PLXNA4: variants seen among roughly 807,000 people sequenced by gnomAD.
PLXNA4 encodes plexin A4, also known as plexin-A4.
PLXNA4 carries 44 observed loss-of-function variants against 191.8 expected under a neutral mutation model. The ratio of observed to expected loss-of-function variants is 0.23; its 90% confidence interval spans 0.18 to 0.29. The LOEUF (loss-of-function observed/expected upper bound fraction) is 0.29, where lower values mean the gene tolerates loss of function less well. PLXNA4 is among the 10% of genes least tolerant of loss of function. PLXNA4 has a pLI of 1.00. For synonymous variants in PLXNA4, 1,082 were observed against 1,009.5 expected (o/e 1.07, Z -1.36); for missense variants, 1,800 against 2,488.8 (o/e 0.72, Z 5.89).
chr7:132,153,536 C>T (rs78309891), intron 25 of PLXNA4, among the ~76,000 whole-genome samples: 7,947 of 152,156 alleles, frequency 0.052, 424 homozygotes, highest in African/African-American at 0.14. Flanking sequence ...CAGGTCATGC[C>T]TGTAGAGTCT....
intron 25 of PLXNA4, among the ~76,000 whole-genome samples, chr7:132,157,140 GT>G (rs1795822295): frequency 6.6e-6 from 1 of 152,226 alleles, no homozygotes; most frequent in Non-Finnish European, 1.5e-5. Context: ...GATCCTCTCT[GT>G]TTGTTTGGGT....
chr7:132,632,576 C>T (rs1002090283), intron 2 of PLXNA4, among the ~76,000 whole-genome samples: 1 of 152,132 alleles, frequency 6.6e-6, no homozygotes, highest in Non-Finnish European at 1.5e-5. Context: ...ATCTCTACAG[C>T]TCCCAGGCTC....
rs755898295 is a variant in PLXNA4 at position 132,188,951 on chromosome 7, GAGGAA to G, written c.2857-1349_2857-1345del. Among the ~76,000 whole-genome samples the G allele has an allele frequency of 2.4e-4, 12 of 50,064 alleles. 1 individual carries two copies. In the South Asian group the frequency reaches 3.4e-3, roughly 14 times the overall value. 32.8% of individuals were successfully genotyped at this position (50,064 alleles called of 152,430 possible). On this transcript the variant is annotated intron_variant, in intron 14 of 31. Transcript: ENST00000321063. ...AAGTATCCCCACCAACCTTCCCAGA[GAGGAA>G]AGGAAAGGAAAGGAAAGGAAAGGAA...
At chr7:132,302,790 G>C (rs1048180389) in intron 3 of PLXNA4, among the ~76,000 whole-genome samples, 1 of 152,092 alleles carries the variant, frequency 6.6e-6, no homozygotes, top group African/African-American at 2.4e-5. Flanking sequence ...ACACTGACCA[G>C]TGGCCATGGT....
chr7:132,453,848 C>T (rs1465992052), intron 3 of PLXNA4, among the ~76,000 whole-genome samples: 1 of 152,212 alleles, frequency 6.6e-6, no homozygotes, highest in Admixed American at 6.5e-5. Context: ...CCAATGAGTG[C>T]TTTTAAACTC....
intron 3 of PLXNA4, among the ~76,000 whole-genome samples, chr7:132,338,963 G>A (rs951467992): frequency 2.0e-5 from 3 of 152,144 alleles, no homozygotes; most frequent in African/African-American, 4.8e-5. Flanking sequence ...ACCTAGCACT[G>A]TTTTCCATGA....
chr7:132,505,092 G>T (rs1448075923), intron 2 of PLXNA4, among the ~76,000 whole-genome samples: 1 of 152,204 alleles, frequency 6.6e-6, no homozygotes, highest in Non-Finnish European at 1.5e-5. Context: ...AGAGTTTCTG[G>T]CCTCCTCCTT....
At chr7:132,318,968 G>A (rs955832154) in intron 3 of PLXNA4, among the ~76,000 whole-genome samples, 3 of 152,114 alleles carry the variant, frequency 2.0e-5, no homozygotes, top group Admixed American at 6.5e-5. Context: ...GTCCTGTGAC[G>A]CCTGGCCCCG....
intron 3 of PLXNA4, among the ~76,000 whole-genome samples, chr7:132,348,545 G>GTACCTGTACAAC (rs1803343678): frequency 6.6e-6 from 1 of 152,242 alleles, no homozygotes; most frequent in African/African-American, 2.4e-5. Context: ...ACAACAGGCT[G>GTACCTGTACAAC]AGGTCAATGG....
In PLXNA4 at chr7:132,209,853, ACCACCTCTG is replaced by A. The variant is rs376535213; in HGVS notation, c.2298+1081_2298+1089del. 4.0e-3 allele frequency among the ~76,000 whole-genome samples: 613 copies of A among 152,256 alleles called. 2 individuals carry two copies. Among genetic ancestry groups the A allele is most frequent in the Middle Eastern group, 0.037 (11 of 294 alleles). The stretch of plus-strand genomic sequence containing the variant: ...ACATAGGAGGGGTCCTCAAATCCAG[ACCACCTCTG>A]CCACTCACTAGTTGTGTGACCTTGA... On this transcript the variant is annotated intron_variant, in intron 10 of 31. Coordinates refer to ENST00000321063, the MANE Select transcript of PLXNA4 (RefSeq NM_020911.2).
At chr7:132,553,706 T>G (rs1414115505) in intron 1 of PLXNA4, among the ~76,000 whole-genome samples, 1 of 152,224 alleles carries the variant, frequency 6.6e-6, no homozygotes, top group Non-Finnish European at 1.5e-5. Context: ...ACCTCCTCCA[T>G]CACCTCTGTT....
chr7:132,293,233 G>A (rs1305997736), intron 4 of PLXNA4, among the ~76,000 whole-genome samples: 1 of 152,078 alleles, frequency 6.6e-6, no homozygotes, highest in Non-Finnish European at 1.5e-5. Flanking sequence ...TTCGCCTGTT[G>A]TATTAGCTTG....
At chr7:132,577,133 GGC>G (rs1180632565), upstream of PLXNA4, 2 of 146,338 alleles carry the variant, frequency 1.4e-5, no homozygotes, top group African/African-American at 4.9e-5. Context: ...TGCGGCGGCT[GGC>G]GCTGCGGCGG....
At chr7:132,550,791 T>C (rs1426497) in intron 1 of PLXNA4, among the ~76,000 whole-genome samples, 66,048 of 120,232 alleles carry the variant, frequency 0.55, 16,581 homozygotes, top group South Asian at 0.71. Flanking sequence ...TCTGCACCTA[T>C]AGTCCCTCAT....
chr7:132,309,738 C>T (rs1485605962), intron 3 of PLXNA4, among the ~76,000 whole-genome samples: 2 of 152,086 alleles, frequency 1.3e-5, no homozygotes. Context: ...GCTGGAGGCC[C>T]AAAGAAAACA....
intron 3 of PLXNA4, among the ~76,000 whole-genome samples, chr7:132,401,351 A>G (rs1793977088): frequency 6.6e-6 from 1 of 152,224 alleles, no homozygotes; most frequent in South Asian, 2.1e-4. Flanking sequence ...TGTCTGATTT[A>G]ATGGGACTAG....
chr7:132,554,824 TA>T (rs1232175942), intron 1 of PLXNA4, among the ~76,000 whole-genome samples: 1 of 152,154 alleles, frequency 6.6e-6, no homozygotes, highest in East Asian at 1.9e-4. Flanking sequence ...AAACACCATG[TA>T]CACTGAACAC....
intron 2 of PLXNA4, among the ~76,000 whole-genome samples, chr7:132,496,312 C>T (rs1406965116): frequency 6.6e-6 from 1 of 152,202 alleles, no homozygotes; most frequent in South Asian, 2.1e-4. Context: ...GAGTGAGGTG[C>T]CTCCCCTAGT....
intron 2 of PLXNA4, among the ~76,000 whole-genome samples, chr7:132,623,680 G>A (rs1175335312): frequency 6.6e-6 from 1 of 152,162 alleles, no homozygotes; most frequent in Non-Finnish European, 1.5e-5. Flanking sequence ...CCATACCCAT[G>A]TGAGTTTCTC....
Sources: allele counts gnomAD v4.1 joint callset (sites outside exome capture counted in the v4.1 genomes callset), GRCh38; gene constraint gnomAD v4.1.1; transcripts MANE v1.5; gene names NCBI Gene and HGNC (gene_info 2026-07-23, HGNC 2026-07-21).